CDK10: variants seen among roughly 807,000 people sequenced by gnomAD.
CDK10 encodes the protein cyclin dependent kinase 10, also known as cyclin-dependent kinase 10.
A neutral mutation model predicts 51.0 loss-of-function variants in CDK10; 55 were observed. That is an observed-to-expected ratio of 1.08 (90% CI 0.87 to 1.35). The LOEUF (loss-of-function observed/expected upper bound fraction) is 1.35, where lower values mean the gene tolerates loss of function less well. CDK10 is among the 40% of genes most tolerant of loss of function. The probability of loss-of-function intolerance (pLI) is 0.00; values close to 1 mark genes in which losing one functional copy is unlikely to be tolerated. For missense variants in CDK10, 589 were observed against 485.1 expected (o/e 1.21, Z -2.01); for synonymous variants, 255 against 199.1 (o/e 1.28, Z -2.36).
At position 89,694,168 on chromosome 16, in the gene CDK10, T is replaced by C; in HGVS notation, c.609-5T>C. On this transcript the variant is annotated splice_polypyrimidine_tract_variant and splice_region_variant and intron_variant, in intron 8 of 12. Transcript: ENST00000353379. ...CTGTATTGAGGTGGGTGCTTCTGTGTGTAGGTACCGAGCCCCTGAACTGCT... is the reference window on the plus strand; with the variant it reads ...CTGTATTGAGGTGGGTGCTTCTGTGCGTAGGTACCGAGCCCCTGAACTGCT... 6.2e-7 allele frequency: 1 copy of C among 1,613,832 alleles called. No individual in the cohort carries two copies. The highest frequency in any genetic ancestry group is 8.5e-7 in the Non-Finnish European group (1 of 1,179,870).
In CDK10 at chr16:89,694,708, C is replaced by G. The variant is rs755481331; in HGVS notation, c.712C>G (p.Leu238Val). The change falls in exon 10 of 13, where the codon CTT becomes GTT. Residue 238 changes from leucine (L) to valine (V), a missense_variant. By Grantham distance (32) the Leu-to-Val change is conservative. Transcript: ENST00000353379. The part of the protein sequence containing the change: ...ILAELLAHRP[L>V]LPGTSEIHQI... ...GGCCGAGCTGCTGGCGCACAGGCCTCTTCTCCCCGGCACTTCCGAGATCCA... is the reference window on the plus strand; with the variant it reads ...GGCCGAGCTGCTGGCGCACAGGCCTGTTCTCCCCGGCACTTCCGAGATCCA... The G allele has an allele frequency of 6.3e-7, 1 of 1,586,072 alleles. No individual in the cohort carries two copies. The highest frequency in any genetic ancestry group is 8.6e-7 in the Non-Finnish European group (1 of 1,166,932).
chr16:89,689,170 C>G, intron 1 of CDK10, 82 bp from the exon 2 acceptor site: 1 of 1,329,970 alleles, frequency 7.5e-7, no homozygotes, highest in Non-Finnish European at 1.1e-6. Context: ...AGTGGGCTCC[C>G]TGGTACAAAT....
intron 8 of CDK10, chr16:89,693,942 C>T (rs904581702): frequency 2.3e-5 from 14 of 602,486 alleles, no homozygotes; most frequent in South Asian, 3.9e-5. Context: ...GGCTGTGTGC[C>T]GAGGGTCCGT....
rs142858377 is a variant in CDK10, at chr16:89,694,145, G to A, written c.609-28G>A. The A allele has an allele frequency of 3.1e-4, 504 of 1,611,844 alleles. 7 individuals carry two copies. In the African/African-American group the frequency reaches 4.7e-3, roughly 15 times the overall value. On this transcript the variant is annotated intron_variant, in intron 8 of 12. Transcript: ENST00000353379. ...CTGGGCTGGGGGAGAGGAGCCGGCT[G>A]TATTGAGGTGGGTGCTTCTGTGTGT... is the stretch of plus-strand genomic sequence containing the variant.
intron 5 of CDK10, 193 bp from the exon 6 acceptor site, chr16:89,692,256 C>A (rs1003978656): frequency 1.9e-5 from 10 of 529,878 alleles, no homozygotes; most frequent in Non-Finnish European, 2.6e-5. Context: ...AGCCCCGGGG[C>A]CAAGAGCCTT....
chr16:89,692,994 C>T (rs960508493), intron 6 of CDK10, among the ~76,000 whole-genome samples: 4 of 151,440 alleles, frequency 2.6e-5, no homozygotes, highest in East Asian at 1.9e-4. Flanking sequence ...AAAAATTAGC[C>T]GGGCGTGGTG....
rs778795750 is a variant in CDK10 at position 89,694,246 on chromosome 16, G to T, written c.668+14G>T. On this transcript the variant is annotated intron_variant, in intron 9 of 12. Coordinates refer to ENST00000353379, the MANE Select transcript of CDK10 (RefSeq NM_052988.5). ...CATCGACATGTGGTGAGGAGATACG[G>T]TTACCGCTCCTGGGGCCTCAGGAAG... is the stretch of plus-strand genomic sequence containing the variant. 1.3e-5 allele frequency: 21 copies of T among 1,613,310 alleles called. No individual in the cohort carries two copies. In the South Asian group the frequency reaches 2.1e-4, roughly 16 times the overall value.
chr16:89,694,858 TGCCCACGCCCTCTGC>T (rs1233135173), intron 10 of CDK10, 58 bp from the exon 11 acceptor site: 134 of 1,503,888 alleles, frequency 8.9e-5, no homozygotes, highest in Non-Finnish European at 1.2e-4. Context: ...CCCCCGCCCG[TGCCCACGCCCTCTGC>T]GCCCGCAGCC....
chr16:89,694,818 CGCCCGT>C (rs1567524859), intron 10 of CDK10, 30 bp downstream of exon 10: 22 of 1,203,458 alleles, frequency 1.8e-5, no homozygotes, highest in African/African-American at 5.1e-5. Context: ...CCGCAGCCCC[CGCCCGT>C]GCCCACGCCC....
At chr16:89,695,573 C>T (rs1426584807) in intron 12 of CDK10, 22 bp from the exon 13 acceptor site, 13 of 1,592,440 alleles carry the variant, frequency 8.2e-6, no homozygotes, top group Non-Finnish European at 9.4e-6. Flanking sequence ...CCCCGCCCAG[C>T]ACTGAACCCT....
chr16:89,692,800 G>A, intron 6 of CDK10: 1 of 291,192 alleles, frequency 3.4e-6, no homozygotes. Context: ...TTTTTAAAAG[G>A]TCCAAACATC....
chr16:89,686,844 A>G (rs975374015), intron 1 of CDK10, 47 bp downstream of exon 1: 2 of 1,526,556 alleles, frequency 1.3e-6, no homozygotes, highest in Non-Finnish European at 1.8e-6. Context: ...CGCTAGCGGC[A>G]CTGCCCGGCT....
In CDK10 at chr16:89,694,187, A is replaced by AACTGCTGTTGGGAACC; in HGVS notation, c.626_641dup (p.Thr215AlafsTer51). 6.2e-7 allele frequency: 1 copy of AACTGCTGTTGGGAACC among 1,613,942 alleles called. No homozygotes were observed. Among genetic ancestry groups the AACTGCTGTTGGGAACC allele is most frequent in the African/African-American group, 1.3e-5 (1 of 74,958 alleles). Reference sequence around the variant, plus strand: ...TCTGTGTGTAGGTACCGAGCCCCTGAACTGCTGTTGGGAACCACCACGCAG... The same window carrying AACTGCTGTTGGGAACC: ...TCTGTGTGTAGGTACCGAGCCCCTGAACTGCTGTTGGGAACCACTGCTGTTGGGAACCACCACGCAG... On this transcript the variant is annotated frameshift_variant, in exon 9 of 13. Coordinates refer to ENST00000353379, the MANE Select transcript of CDK10 (RefSeq NM_052988.5). LOFTEE classifies it high-confidence loss of function.
At chr16:89,690,695 T>C in intron 3 of CDK10, 71 bp downstream of exon 3, 1 of 1,339,948 alleles carries the variant, frequency 7.5e-7, no homozygotes, top group South Asian at 1.2e-5. Flanking sequence ...ACCTGAAGTT[T>C]CCTCAGAGCG....
rs2060494126 is a variant in CDK10, at chr16:89,692,429, A to G, written c.418-20A>G. 2 of 1,524,328 alleles carry G rather than the reference A, an allele frequency of 1.3e-6. No homozygotes were observed. The highest frequency in any genetic ancestry group is 1.8e-6 in the Non-Finnish European group (2 of 1,135,282). 94.4% of individuals were successfully genotyped at this position (1,524,328 alleles called of 1,614,324 possible). ...TCCCTGCAGGCTCACCCTGACTGGTACCTCTGACCCTCTGCACAGGTCAAG... is the reference window on the plus strand; with the variant it reads ...TCCCTGCAGGCTCACCCTGACTGGTGCCTCTGACCCTCTGCACAGGTCAAG... On this transcript the variant is annotated intron_variant, in intron 5 of 12. Coordinates refer to ENST00000353379, the MANE Select transcript of CDK10 (RefSeq NM_052988.5).
intron 9 of CDK10, 140 bp from the exon 10 acceptor site, chr16:89,694,525 T>G (rs2060608051): frequency 6.9e-7 from 1 of 1,451,210 alleles, no homozygotes; most frequent in African/African-American, 1.4e-5. Context: ...GGTCCCTGCC[T>G]GTCCTTCACA....
intron 1 of CDK10, 60 bp downstream of exon 1, chr16:89,686,857 G>C: frequency 1.4e-6 from 2 of 1,435,334 alleles, no homozygotes; most frequent in Non-Finnish European, 1.9e-6. Context: ...GCCCGGCTGG[G>C]TCTGGGGAGC....
Position 89,690,556 on chromosome 16 carries a change from G to T in CDK10, c.164G>T (p.Arg55Leu). The T allele has an allele frequency of 1.2e-6, 2 of 1,613,966 alleles. No homozygotes were observed. The highest frequency in any genetic ancestry group is 1.7e-6 in the Non-Finnish European group (2 of 1,179,876). ...IGEGTYGIVYRARDTQTDEIV... is the reference protein window; with the variant it reads ...IGEGTYGIVYLARDTQTDEIV... ...CACCAATGTGTTTCCATTCCAGATCGGGCCCGGGACACCCAGACAGATGAG... is the reference window on the plus strand; with the variant it reads ...CACCAATGTGTTTCCATTCCAGATCTGGCCCGGGACACCCAGACAGATGAG... The change falls in exon 3 of 13, where the codon CGG becomes CTG. Residue 55 changes from arginine (R) to leucine (L), a missense_variant. Coordinates refer to ENST00000353379, the MANE Select transcript of CDK10 (RefSeq NM_052988.5).
At chr16:89,693,866 A>G in intron 8 of CDK10, 1 of 563,078 alleles carries the variant, frequency 1.8e-6, no homozygotes, top group South Asian at 2.0e-5. Context: ...AGAGTTGGTC[A>G]GAATCAGGTC....
Sources: allele counts gnomAD v4.1 joint callset (sites outside exome capture counted in the v4.1 genomes callset), GRCh38; gene constraint gnomAD v4.1.1; transcripts MANE v1.5; gene names NCBI Gene and HGNC (gene_info 2026-07-23, HGNC 2026-07-21).